Variants in TMC6 observed in about 807,000 individuals in gnomAD.
The protein encoded by TMC6 is transmembrane channel-like protein 6.
In TMC6, 71 loss-of-function variants were observed where a neutral mutation model predicts 95.4. The observed-to-expected ratio is 0.74, with a 90% CI of 0.61 to 0.91. The LOEUF (loss-of-function observed/expected upper bound fraction) is 0.91. Among genes scored for constraint, TMC6 ranks in the 40% least tolerant of loss-of-function variants. The pLI is 0.00. For missense variants in TMC6, 1,074 were observed against 1,079.1 expected, an observed-to-expected ratio of 1.00 and a Z score of 0.07; for synonymous variants, 514 against 483.1, an observed-to-expected ratio of 1.06 and a Z score of -0.84.
chr17:78,118,987 A>G lies in TMC6; in HGVS notation c.1871T>C (p.Val624Ala). The change falls in exon 15 of 20, where the codon GTC (valine) becomes GCC (alanine). Residue 624 changes from valine to alanine, a missense_variant. By Grantham distance (64) the Val-to-Ala change is moderately conservative. Transcript: ENST00000590602. ...CAGCCTCACCTTCTTGACATAGAAGACGAGCAGCAGCTTGATGATCTGCAC... is the reference window on the plus strand; with the variant it reads ...CAGCCTCACCTTCTTGACATAGAAGGCGAGCAGCAGCTTGATGATCTGCAC... The part of the protein sequence containing the change: ...PAVQIIKLLL[V>A]FYVKKTSLLA... The G allele has an allele frequency of 6.2e-7, 1 of 1,604,928 alleles. No individual in the cohort carries two copies. Among genetic ancestry groups the G allele is most frequent in the Non-Finnish European group, 8.5e-7 (1 of 1,176,072 alleles).
Position 78,125,229 on chromosome 17 carries a change from G to T in TMC6, c.465C>A (p.Ser155Arg). The T allele has an allele frequency of 6.3e-7, 1 of 1,587,852 alleles. No individual in the cohort carries two copies. The highest frequency in any genetic ancestry group is 8.6e-7 in the Non-Finnish European group (1 of 1,166,478). ...TGTGGTCCCGCTGTGCCACTGCCAG[G>T]CTCTGGAGCTCCTTCACCAGGAGGC... ...KQSLLVKELQ[S>R]LAVAQRDHML... Residue 155 changes from serine to arginine, a missense_variant, in exon 6 of 20, where the codon AGC becomes AGA. By Grantham distance (110) the Ser-to-Arg change is moderately radical (BLOSUM62 -1). Coordinates refer to ENST00000590602, the MANE Select transcript of TMC6 (RefSeq NM_001127198.5).
upstream of TMC6, chr17:78,131,147 G>C (rs760418538): frequency 3.9e-6 from 1 of 258,906 alleles, no homozygotes; most frequent in Non-Finnish European, 7.6e-6. Flanking sequence ...GTGGAGAAGA[G>C]AGGGAATTGT....
chr17:78,119,397 C>T lies in TMC6; in HGVS notation c.1716-5G>A, dbSNP rs1567989830. 5 of 1,613,666 alleles carry T rather than the reference C, an allele frequency of 3.1e-6. No homozygotes were observed. The highest frequency in any genetic ancestry group is 1.3e-5 in the African/African-American group (1 of 74,888). Reference sequence around the variant, plus strand: ...AGCTTCTTCTCGGAGATAATCCTGCCTCCGAGGACCCCGGATCGTTAGATG... The same window carrying T: ...AGCTTCTTCTCGGAGATAATCCTGCTTCCGAGGACCCCGGATCGTTAGATG... On this transcript the variant is annotated splice_region_variant and splice_polypyrimidine_tract_variant and intron_variant, in intron 13 of 19. Coordinates refer to ENST00000590602, the MANE Select transcript of TMC6 (RefSeq NM_001127198.5).
At position 78,110,487 on chromosome 17, in the gene TMC6, ACT is replaced by A. The variant is rs1484930728; in HGVS notation, c.*2659_*2660del. On this transcript the variant is annotated 3_prime_UTR_variant, in exon 20 of 20. Coordinates refer to ENST00000590602, the MANE Select transcript of TMC6 (RefSeq NM_001127198.5). ...ACTCTGAAAAAGCAAATAAACCGAA[ACT>A]CTTGGGCTCAAGCAATCCTCCGCCT... 1.3e-5 allele frequency: 2 copies of A among 151,746 alleles called. No individual in the cohort carries two copies. The highest frequency in any genetic ancestry group is 6.6e-5 in the Admixed American group (1 of 15,228). The allele number at this position is 151,746 out of a possible 1,614,324, so 9.4% of individuals were successfully genotyped here. A position where few individuals can be genotyped will look rare whatever the true frequency, so the allele number is the denominator to read the frequency against.
chr17:78,121,294 C>A lies in TMC6; in HGVS notation c.1384-130G>T, dbSNP rs1051409400. On this transcript the variant is annotated intron_variant, in intron 11 of 19. Transcript: ENST00000590602. This position sits in a 1 kb window ranked among gnomAD's most constrained non-coding sequence, Gnocchi z 5.6. ...CCTCCAAGATCTGGCCCTCCCCAGG[C>A]CTCAAGTTCAAACCACACAGGAAGC... The A allele has an allele frequency of 5.6e-5, 82 of 1,454,924 alleles. No homozygotes were observed. The highest frequency in any genetic ancestry group is 7.0e-5 in the Non-Finnish European group (75 of 1,077,508). The allele number at this position is 1,454,924 out of a possible 1,614,324, so 90.1% of individuals were successfully genotyped here.
chr17:78,121,586 G>C lies in TMC6; in HGVS notation c.1353C>G (p.Ala451=). The change falls in exon 11 of 20, where the codon GCC becomes GCG. Residue 451 remains alanine, a synonymous_variant. Transcript: ENST00000590602. This position sits in a 1 kb window ranked among gnomAD's most constrained non-coding sequence, Gnocchi z 5.6. ...CLGTALGCAV[A]VHVFSEFMIQ... is the part of the protein sequence containing the mutation. Reference sequence around the variant, plus strand: ...TCATGAACTCCGAGAAGACGTGGACGGCCACGGCGCAGCCCAGCGCGGTCC... The same window carrying C: ...TCATGAACTCCGAGAAGACGTGGACCGCCACGGCGCAGCCCAGCGCGGTCC... The C allele has an allele frequency of 6.2e-7, 1 of 1,611,542 alleles. No individual in the cohort carries two copies. Among genetic ancestry groups the C allele is most frequent in the Non-Finnish European group, 8.5e-7 (1 of 1,179,710 alleles).
chr17:78,130,115 C>T, upstream of TMC6, among the ~76,000 whole-genome samples: 1 of 152,194 alleles, frequency 6.6e-6, no homozygotes, highest in East Asian at 1.9e-4. Context: ...AGAGAATTGG[C>T]AAAGATATGT....
At position 78,113,056 on chromosome 17, in the gene TMC6, C is replaced by G. The variant is rs2073870834; in HGVS notation, c.*92G>C. ...TGCGGCTTTCGAGAGGCGAAACTGTCTTCCTTGTCCTGGTGTCCCAGCAGG... is the reference window on the plus strand; with the variant it reads ...TGCGGCTTTCGAGAGGCGAAACTGTGTTCCTTGTCCTGGTGTCCCAGCAGG... On this transcript the variant is annotated 3_prime_UTR_variant, in exon 20 of 20. Coordinates refer to ENST00000590602, the MANE Select transcript of TMC6 (RefSeq NM_001127198.5). 5.5e-6 allele frequency: 8 copies of G among 1,467,210 alleles called. No homozygotes were observed. The Admixed American group carries it at 9.9e-5, about 18-fold the overall frequency. The allele number at this position is 1,467,210 out of a possible 1,614,324, so 90.9% of individuals were successfully genotyped here. A position where few individuals can be genotyped will look rare whatever the true frequency, so the allele number is the denominator to read the frequency against.
In TMC6 at chr17:78,126,949, C is replaced by T. The variant is rs72896247; in HGVS notation, c.-74-43G>A. 1.3e-3 allele frequency: 1,582 copies of T among 1,231,082 alleles called. 5 individuals carry two copies. The highest frequency in any genetic ancestry group is 1.7e-3 in the Non-Finnish European group (1,436 of 861,916). 76.3% of individuals were successfully genotyped at this position (1,231,082 alleles called of 1,614,324 possible). ...CAGAGCCAGGGGTGGTCTTCAACGC[C>T]TGGCAGCTGTCCACACCACCCATTC... On this transcript the variant is annotated intron_variant, in intron 1 of 19. Coordinates refer to ENST00000590602, the MANE Select transcript of TMC6 (RefSeq NM_001127198.5).
Position 78,112,330 on chromosome 17 carries a change from A to G in TMC6, c.*818T>C. 5.1e-6 allele frequency: 1 copy of G among 195,380 alleles called. No homozygotes were observed. Among genetic ancestry groups the G allele is most frequent in the South Asian group, 6.2e-5 (1 of 16,250 alleles). The allele number at this position is 195,380 out of a possible 1,614,324, so 12.1% of individuals were successfully genotyped here. On this transcript the variant is annotated 3_prime_UTR_variant, in exon 20 of 20. Coordinates refer to ENST00000590602, the MANE Select transcript of TMC6 (RefSeq NM_001127198.5). ...CATGGGCTGGTCCCTGCAGACCTGG[A>G]GCACGGGGTCATGACGGGCTGGTCC...
At chr17:78,131,201 G>T (rs1183269450), upstream of TMC6, 2 of 352,618 alleles carry the variant, frequency 5.7e-6, no homozygotes, top group East Asian at 1.6e-4. Flanking sequence ...GTGGATGCGG[G>T]GTGCAGCAGG....
Position 78,121,489 on chromosome 17 carries a change from G to T in TMC6, c.1383+67C>A. On this transcript the variant is annotated intron_variant, in intron 11 of 19. Transcript: ENST00000590602. This position sits in a 1 kb window ranked among gnomAD's most constrained non-coding sequence, Gnocchi z 5.6. ...AGGAGAGGCAAGGCTGCCTCCCCAGGGGGCAGGTGCCCAGAGTCACTGGGG... is the reference window on the plus strand; with the variant it reads ...AGGAGAGGCAAGGCTGCCTCCCCAGTGGGCAGGTGCCCAGAGTCACTGGGG... 1 of 1,605,264 alleles carries T rather than the reference G, an allele frequency of 6.2e-7. No homozygotes were observed. The highest frequency in any genetic ancestry group is 1.1e-5 in the South Asian group (1 of 90,262).
In TMC6 at chr17:78,117,790, C is replaced by T. The variant is rs774810206; in HGVS notation, c.2021+12G>A. 12 of 1,603,110 alleles carry T rather than the reference C, an allele frequency of 7.5e-6. No individual in the cohort carries two copies. Among genetic ancestry groups the T allele is most frequent in the Admixed American group, 3.4e-5 (2 of 58,994 alleles). On this transcript the variant is annotated intron_variant, in intron 16 of 19. Transcript: ENST00000590602. ...TGACACAGAAGGGTCTCCCTCCACC[C>T]GCCCCACTCACTGCCAGACGGCGTA... is the stretch of plus-strand genomic sequence containing the variant.
intron 7 of TMC6, 45 bp downstream of exon 7, chr17:78,124,844 C>T (rs373795915): frequency 3.2e-6 from 5 of 1,579,522 alleles, no homozygotes; most frequent in Non-Finnish European, 8.6e-7. Context: ...GCCACCCCAG[C>T]CCTGCCCAGC....
Position 78,121,853 on chromosome 17 carries a change from C to T in TMC6, c.1228-142G>A. ...CAGAGGGCCAGTTCCCCATGCCCCA[C>T]CTGCCCTTTCATCTGCTGAGGGCCC... On this transcript the variant is annotated intron_variant, in intron 10 of 19. Transcript: ENST00000590602. The surrounding 1 kb of genome is among the most constrained non-coding windows in gnomAD (Gnocchi z 5.6). 8.8e-7 allele frequency: 1 copy of T among 1,133,174 alleles called. No individual in the cohort carries two copies. The highest frequency in any genetic ancestry group is 1.6e-5 in the African/African-American group (1 of 64,222). The allele number at this position is 1,133,174 out of a possible 1,614,324, so 70.2% of individuals were successfully genotyped here. A position where few individuals can be genotyped will look rare whatever the true frequency, so the allele number is the denominator to read the frequency against.
rs2073821466 is a variant in TMC6, at chr17:78,111,359, C to T, written c.*1789G>A. 6.6e-6 allele frequency: 1 copy of T among 152,390 alleles called. No individual in the cohort carries two copies. Among genetic ancestry groups the T allele is most frequent in the African/African-American group, 2.4e-5 (1 of 41,468 alleles). 9.4% of individuals were successfully genotyped at this position (152,390 alleles called of 1,614,324 possible). Reference sequence around the variant, plus strand: ...GCAAGATGGGCTCAACAGGTCACAACCAATGATCATGCTGGCAAGCCAGCA... The same window carrying T: ...GCAAGATGGGCTCAACAGGTCACAATCAATGATCATGCTGGCAAGCCAGCA... On this transcript the variant is annotated 3_prime_UTR_variant, in exon 20 of 20. Coordinates refer to ENST00000590602, the MANE Select transcript of TMC6 (RefSeq NM_001127198.5).
intron 18 of TMC6, 66 bp downstream of exon 18, chr17:78,117,203 G>GGGGA: frequency 6.4e-7 from 1 of 1,552,286 alleles, no homozygotes; most frequent in Non-Finnish European, 8.9e-7. Context: ...GGGGAGTGGA[G>GGGGA]GGGAGCGTCA....
At chr17:78,115,498 GC>G (rs1413577718) in intron 18 of TMC6, among the ~76,000 whole-genome samples, 4 of 152,312 alleles carry the variant, frequency 2.6e-5, no homozygotes, top group African/African-American at 9.6e-5. Flanking sequence ...TTCACGGGGG[GC>G]CGTTCCCCAG....
intron 18 of TMC6, among the ~76,000 whole-genome samples, chr17:78,116,335 G>A (rs377092099): frequency 1.3e-4 from 19 of 149,526 alleles, no homozygotes; most frequent in Non-Finnish European, 2.1e-4. Context: ...GGAGCGCAGT[G>A]GCACAATCAT....
Sources: gnomAD v4.1 joint callset for allele counts (sites outside exome capture counted in the v4.1 genomes callset) on GRCh38, gnomAD v4.1.1 for gene constraint, Gnocchi (gnomAD v3.1) non-coding constraint, MANE v1.5 for transcripts, NCBI Gene and HGNC (gene_info 2026-07-23, HGNC 2026-07-21) for gene names.